Variants in LINGO2 observed in about 807,000 individuals in gnomAD.
LINGO2 encodes leucine-rich repeat and immunoglobulin-like domain-containing nogo receptor-interacting protein 2.
LINGO2 carries 14 observed loss-of-function variants against 30.6 expected under a neutral mutation model. That is an observed-to-expected ratio of 0.46 (90% CI 0.30 to 0.72). The LOEUF is 0.72. Ranked by LOEUF, LINGO2 falls within the 30% of genes least tolerant of loss-of-function variation. LINGO2 has a pLI of 0.07. For missense variants in LINGO2, 729 were observed against 751.7 expected (o/e 0.97, Z 0.35); for synonymous variants, 317 against 288.5 (o/e 1.10, Z -1.00).
At chr9:28,557,286 C>A (rs902528823) in intron 1 of LINGO2, among the ~76,000 whole-genome samples, 214 of 151,522 alleles carry the variant, frequency 1.4e-3, no homozygotes, top group African/African-American at 4.2e-3. Context: ...CAATGAACTC[C>A]AACAAATTTA....
At chr9:28,824,166 C>A in the LINGO2 span, among the ~76,000 whole-genome samples, 1 of 152,094 alleles carries the variant, frequency 6.6e-6, no homozygotes, top group Non-Finnish European at 1.5e-5. Flanking sequence ...GTCATAGAAA[C>A]TGGACAACAA....
In LINGO2 at chr9:28,307,476, T is replaced by C. The variant is rs540807833; in HGVS notation, c.-245-12110A>G. ...TGACAAACCCACAACCAATATCATA[T>C]TGAATGGGCAAAAACTGGAAGCATT... On this transcript the variant is annotated intron_variant, in intron 3 of 5. Coordinates refer to ENST00000379992, the Ensembl canonical transcript of LINGO2. 1.1e-4 allele frequency among the ~76,000 whole-genome samples: 17 copies of C among 152,158 alleles called. No individual in the cohort carries two copies. In the South Asian group the frequency reaches 2.7e-3, roughly 24 times the overall value.
chr9:29,189,795 C>A, the LINGO2 span, among the ~76,000 whole-genome samples: 1 of 152,042 alleles, frequency 6.6e-6, no homozygotes, highest in African/African-American at 2.4e-5. Flanking sequence ...GGATCACTCG[C>A]GGTTAGGAGC....
At chr9:28,797,359 T>TATATAGAGAGAGAG in the LINGO2 span, among the ~76,000 whole-genome samples, 60 of 34,206 alleles carry the variant, frequency 1.8e-3, no homozygotes, top group East Asian at 6.3e-3. Flanking sequence ...TATATATATA[T>TATATAGAGAGAGAG]AGAGAGAGAG....
chr9:28,829,073 C>T, the LINGO2 span, among the ~76,000 whole-genome samples: 1 of 152,130 alleles, frequency 6.6e-6, no homozygotes, highest in Non-Finnish European at 1.5e-5. Flanking sequence ...ATAAAAACCC[C>T]CAGGACCAGA....
chr9:28,295,564 G>T (rs1463706866), intron 3 of LINGO2, among the ~76,000 whole-genome samples, 198 bp from the exon 6 acceptor site: 1 of 152,056 alleles, frequency 6.6e-6, no homozygotes, highest in African/African-American at 2.4e-5. Flanking sequence ...TTTTCCAAGT[G>T]CATGTCCCTC....
the LINGO2 span, among the ~76,000 whole-genome samples, chr9:28,866,085 G>C: frequency 1.3e-5 from 2 of 148,326 alleles, no homozygotes; most frequent in African/African-American, 2.4e-5. Flanking sequence ...ACAGCATTCA[G>C]CTAATTTAGA....
At chr9:29,189,764 C>T in the LINGO2 span, among the ~76,000 whole-genome samples, 1 of 152,142 alleles carries the variant, frequency 6.6e-6, no homozygotes, top group Admixed American at 6.5e-5. Context: ...AATCCCGGCA[C>T]CTCGGGAGGC....
the LINGO2 span, among the ~76,000 whole-genome samples, chr9:28,868,412 T>G: frequency 6.6e-6 from 1 of 152,172 alleles, no homozygotes; most frequent in East Asian, 1.9e-4. Context: ...TGAGCATGTG[T>G]GTGTGTCTGC....
intron 1 of LINGO2, among the ~76,000 whole-genome samples, chr9:28,477,803 T>A (rs1825788079): frequency 6.6e-6 from 1 of 152,206 alleles, no homozygotes; most frequent in African/African-American, 2.4e-5. Flanking sequence ...TGGTTAAAAT[T>A]ATTCAATGGC....
chr9:28,110,489 C>G (rs1044487372), intron 4 of LINGO2, among the ~76,000 whole-genome samples: 2 of 152,296 alleles, frequency 1.3e-5, no homozygotes, highest in Admixed American at 1.3e-4. Context: ...GTTTTGCAAT[C>G]TACCCATCTG....
intron 4 of LINGO2, among the ~76,000 whole-genome samples, chr9:28,090,106 G>C (rs1399173999): frequency 6.6e-6 from 1 of 152,128 alleles, no homozygotes; most frequent in Non-Finnish European, 1.5e-5. Context: ...AGGACCAGAT[G>C]CATTCACAGC....
At chr9:28,032,653 C>T (rs756167940) in intron 4 of LINGO2, among the ~76,000 whole-genome samples, 1 of 152,190 alleles carries the variant, frequency 6.6e-6, no homozygotes, top group African/African-American at 2.4e-5. Flanking sequence ...AAACATCCTG[C>T]CCATCGTCCC....
At chr9:28,188,641 C>A (rs770700449) in intron 4 of LINGO2, among the ~76,000 whole-genome samples, 1 of 152,060 alleles carries the variant, frequency 6.6e-6, no homozygotes, top group East Asian at 1.9e-4. Context: ...AAAAAAGTGA[C>A]GGAGATTTCC....
chr9:28,022,317 A>G (rs1015016737), intron 4 of LINGO2, among the ~76,000 whole-genome samples: 1 of 152,066 alleles, frequency 6.6e-6, no homozygotes, highest in African/African-American at 2.4e-5. Flanking sequence ...CACTCAATAC[A>G]TCATTGCTAC....
At chr9:28,913,460 C>T in the LINGO2 span, among the ~76,000 whole-genome samples, 1 of 151,936 alleles carries the variant, frequency 6.6e-6, no homozygotes, top group Non-Finnish European at 1.5e-5. Context: ...ATATGTCAAC[C>T]ATATTTTATA....
chr9:28,733,875 G>C, the LINGO2 span, among the ~76,000 whole-genome samples: 1 of 152,054 alleles, frequency 6.6e-6, no homozygotes, highest in South Asian at 2.1e-4. Context: ...CCTTTACGGA[G>C]TGGCGATTTT....
chr9:29,013,619 GA>G, the LINGO2 span, among the ~76,000 whole-genome samples: 1 of 152,038 alleles, frequency 6.6e-6, no homozygotes, highest in African/African-American at 2.4e-5. Flanking sequence ...AAAGAACAAA[GA>G]ACTCATAATT....
chr9:28,967,134 G>C, the LINGO2 span, among the ~76,000 whole-genome samples: 1 of 152,068 alleles, frequency 6.6e-6, no homozygotes, highest in African/African-American at 2.4e-5. Flanking sequence ...AAAATCTTCT[G>C]TTTCATGAGC....
Sources: allele counts gnomAD v4.1 joint callset (sites outside exome capture counted in the v4.1 genomes callset), GRCh38; gene constraint gnomAD v4.1.1; transcripts MANE v1.5; gene names NCBI Gene and HGNC (gene_info 2026-07-23, HGNC 2026-07-21).